VPS13B: variants seen among roughly 807,000 people sequenced by gnomAD.
VPS13B encodes the protein intermembrane lipid transfer protein VPS13B.
In VPS13B, 285 loss-of-function variants were observed where a neutral mutation model predicts 426.4. The ratio of observed to expected loss-of-function variants is 0.67; its 90% CI spans 0.61 to 0.74. The LOEUF (loss-of-function observed/expected upper bound fraction) is 0.74. Among genes scored for constraint, VPS13B ranks in the 30% least tolerant of loss-of-function variants. VPS13B has a pLI of 0.00. For synonymous variants in VPS13B, 1,676 were observed against 1,676.4 expected (o/e 1.00, Z 0.01); for missense variants, 4,537 against 4,782.6 (o/e 0.95, Z 1.51).
intron 30 of VPS13B, among the ~76,000 whole-genome samples, chr8:99,534,912 T>A (rs894705523): frequency 3.9e-5 from 6 of 152,188 alleles, no homozygotes; most frequent in African/African-American, 1.4e-4. Flanking sequence ...ACAGAATGAA[T>A]GGATGGATAG....
chr8:99,843,200 T>C (rs1428748714), intron 54 of VPS13B, among the ~76,000 whole-genome samples: 4 of 152,124 alleles, frequency 2.6e-5, no homozygotes, highest in Non-Finnish European at 5.9e-5. Context: ...TGAAGTGCTC[T>C]AACACAGATT....
chr8:99,045,342 G>A (rs189993970), intron 3 of VPS13B, among the ~76,000 whole-genome samples: 13 of 152,124 alleles, frequency 8.5e-5, no homozygotes, highest in African/African-American at 3.1e-4. Flanking sequence ...TTGGCCATTT[G>A]TGTATCTTCT....
chr8:99,637,250 CAATA>C (rs1829109191), intron 33 of VPS13B, among the ~76,000 whole-genome samples: 2 of 151,970 alleles, frequency 1.3e-5, no homozygotes, highest in East Asian at 3.8e-4. Flanking sequence ...AGATACCCTT[CAATA>C]TAGTAAATCT....
At chr8:99,084,221 A>T (rs1197107496) in intron 3 of VPS13B, among the ~76,000 whole-genome samples, 1 of 151,830 alleles carries the variant, frequency 6.6e-6, no homozygotes, top group East Asian at 1.9e-4. Context: ...TTTCTTCTAG[A>T]TTTTCTAGTT....
At chr8:99,525,912 T>C (rs1170781281) in intron 30 of VPS13B, among the ~76,000 whole-genome samples, 4 of 152,084 alleles carry the variant, frequency 2.6e-5, no homozygotes, top group Non-Finnish European at 5.9e-5. Context: ...GGCTGGAGCA[T>C]TGGGTGCCAG....
intron 24 of VPS13B, among the ~76,000 whole-genome samples, chr8:99,479,172 T>A (rs1819905577): frequency 6.6e-6 from 1 of 152,206 alleles, no homozygotes; most frequent in Non-Finnish European, 1.5e-5. Context: ...TTGTTCATTC[T>A]GTATTTCTGA....
At chr8:99,129,446 T>C (rs1809630946) in intron 8 of VPS13B, among the ~76,000 whole-genome samples, 1 of 151,742 alleles carries the variant, frequency 6.6e-6, no homozygotes, top group Non-Finnish European at 1.5e-5. Context: ...CGCTTGCCTG[T>C]AATCCTAGCA....
At position 99,642,155 on chromosome 8, in the gene VPS13B, T is replaced by C; in HGVS notation, c.5565T>C (p.Val1855=). Residue 1855 remains valine (V), a synonymous_variant, in exon 34 of 62, where the codon GTT becomes GTC. Coordinates refer to ENST00000357162, the MANE Select transcript of VPS13B (RefSeq NM_152564.5). ...TDKSSLNLPE[V]DSDVAKPNQA... ...AGAGTTCATTAAATCTCCCAGAAGT[T>C]GATTCAGATGTTGCTAAGCCCAACC... is the stretch of plus-strand genomic sequence containing the variant. 6.2e-7 allele frequency: 1 copy of C among 1,614,118 alleles called. No individual in the cohort carries two copies. The highest frequency in any genetic ancestry group is 1.6e-4 in the Middle Eastern group (1 of 6,062).
intron 34 of VPS13B, among the ~76,000 whole-genome samples, chr8:99,645,449 A>C (rs1379966150): frequency 6.6e-6 from 1 of 152,232 alleles, no homozygotes; most frequent in African/African-American, 2.4e-5. Flanking sequence ...ATTTTTATTC[A>C]TGGCCCTGCC....
intron 58 of VPS13B, among the ~76,000 whole-genome samples, chr8:99,862,335 TTTTG>T (rs1265904878): frequency 1.3e-5 from 2 of 152,236 alleles, no homozygotes; most frequent in African/African-American, 4.8e-5. Flanking sequence ...GAGCCGCTTC[TTTTG>T]TTTGAGAAAC....
chr8:99,117,782 G>A (rs554939935), intron 7 of VPS13B, among the ~76,000 whole-genome samples: 29 of 152,204 alleles, frequency 1.9e-4, no homozygotes, highest in African/African-American at 6.7e-4. Flanking sequence ...CAGGAGTTGC[G>A]GGGAGGAGAG....
intron 19 of VPS13B, among the ~76,000 whole-genome samples, chr8:99,336,196 C>T (rs1337563181): frequency 6.6e-6 from 1 of 152,008 alleles, no homozygotes; most frequent in African/African-American, 2.4e-5. Flanking sequence ...ACAGAGCCCT[C>T]AGAAATAACG....
intron 29 of VPS13B, among the ~76,000 whole-genome samples, chr8:99,511,734 G>A (rs189937894): frequency 1.3e-5 from 2 of 152,278 alleles, no homozygotes; most frequent in Admixed American, 1.3e-4. Flanking sequence ...AAGAAATTGA[G>A]GAAATTTTTT....
chr8:99,204,809 C>T (rs1299326547), intron 17 of VPS13B, among the ~76,000 whole-genome samples: 6 of 152,156 alleles, frequency 3.9e-5, no homozygotes, highest in African/African-American at 7.2e-5. Context: ...AGTGAGATAC[C>T]ATCTTATACC....
intron 12 of VPS13B, among the ~76,000 whole-genome samples, chr8:99,139,586 C>G (rs576918885): frequency 1.1e-3 from 166 of 151,972 alleles, no homozygotes; most frequent in African/African-American, 3.8e-3. Flanking sequence ...TACAGGCGCC[C>G]GCCACCACGC....
intron 36 of VPS13B, among the ~76,000 whole-genome samples, chr8:99,716,672 T>C (rs935247451): frequency 6.6e-6 from 1 of 152,204 alleles, no homozygotes; most frequent in Non-Finnish European, 1.5e-5. Context: ...TGTGTGAAGT[T>C]TGGATTAAAC....
chr8:99,016,799 C>G (rs1221681826), intron 2 of VPS13B, among the ~76,000 whole-genome samples: 1 of 151,904 alleles, frequency 6.6e-6, no homozygotes, highest in East Asian at 1.9e-4. Flanking sequence ...ACCATGTTAG[C>G]CAGGATGGTC....
In VPS13B at chr8:99,624,669, C is replaced by T. The variant is rs564864231; in HGVS notation, c.5221-17142C>T. Among the ~76,000 whole-genome samples the T allele has an allele frequency of 4.5e-4, 68 of 152,284 alleles. No homozygotes were observed. In the South Asian group the frequency reaches 0.013, roughly 30 times the overall value. ...TTTATTGCAGTAATATTTACCCCCA[C>T]TTTTAATGAACATTTTTGTTCCAGT... On this transcript the variant is annotated intron_variant, in intron 33 of 61. Coordinates refer to ENST00000357162, the MANE Select transcript of VPS13B (RefSeq NM_152564.5).
intron 44 of VPS13B, among the ~76,000 whole-genome samples, chr8:99,813,249 C>A (rs1423184527): frequency 2.6e-5 from 4 of 152,038 alleles, no homozygotes; most frequent in Non-Finnish European, 5.9e-5. Context: ...ATTTAACAGG[C>A]TTTTTAGTTG....
Sources: allele counts gnomAD v4.1 joint callset (sites outside exome capture counted in the v4.1 genomes callset), GRCh38; gene constraint gnomAD v4.1.1; transcripts MANE v1.5; gene names NCBI Gene and HGNC (gene_info 2026-07-23, HGNC 2026-07-21).